The following FLYWCH1 variants were observed in gnomAD, a reference collection of about 807,000 sequenced individuals.
The protein encoded by FLYWCH1 is FLYWCH-type zinc finger-containing protein 1.
In FLYWCH1, 75 loss-of-function variants were observed where a neutral mutation model predicts 66.4. That is an observed-to-expected ratio of 1.13 (90% CI 0.94 to 1.37). The LOEUF is 1.37. Ranked by LOEUF, FLYWCH1 falls within the 40% of genes most tolerant of loss-of-function variation. FLYWCH1 has a pLI of 0.00. For synonymous variants in FLYWCH1, 595 were observed against 429.9 expected, an observed-to-expected ratio of 1.38 and a Z score of -4.75; for missense variants, 1,334 against 1,001.8, an observed-to-expected ratio of 1.33 and a Z score of -4.48.
chr16:2,930,630 G>A lies in FLYWCH1; in HGVS notation c.546G>A (p.Glu182=), dbSNP rs1329591996. 1.3e-6 allele frequency: 2 copies of A among 1,549,380 alleles called. No individual in the cohort carries two copies. Among genetic ancestry groups the A allele is most frequent in the East Asian group, 2.4e-5 (1 of 40,988 alleles). ...ACGCGCCCGATGAGCAAGGCCTGGA[G>A]GCCCGGCGCCAGAGGGAGAAACTGC... ...HCHAPDEQGL[E]ARRQREKLPS... Residue 182 remains glutamate, a synonymous_variant, in exon 4 of 10, where the codon GAG becomes GAA. Coordinates refer to ENST00000253928, the MANE Select transcript of FLYWCH1 (RefSeq NM_001308068.2).
rs371376254 is a variant in FLYWCH1, at chr16:2,937,466, G to A, written c.1777+82G>A. The A allele has an allele frequency of 1.5e-4, 216 of 1,418,762 alleles. 2 individuals are homozygous for A. In the African/African-American group the frequency reaches 3.5e-3, roughly 23 times the overall value. The allele number at this position is 1,418,762 out of a possible 1,614,324, so 87.9% of individuals were successfully genotyped here. On this transcript the variant is annotated intron_variant, in intron 7 of 9. Transcript: ENST00000253928. ...CACGCTGGCTGGAGGCTGCCCGTGG[G>A]GTGTTGTGTGTTGTGCATGGTGGTC...
intron 2 of FLYWCH1, among the ~76,000 whole-genome samples, chr16:2,923,809 G>C (rs1425126091): frequency 1.3e-5 from 2 of 151,942 alleles, no homozygotes; most frequent in African/African-American, 4.8e-5. Flanking sequence ...AGGCTGAGGC[G>C]GGTGGATCAC....
At position 2,933,702 on chromosome 16, in the gene FLYWCH1, T is replaced by C. The variant is rs2070871733; in HGVS notation, c.1250-14T>C. The C allele has an allele frequency of 6.2e-7, 1 of 1,607,976 alleles. No individual in the cohort carries two copies. The highest frequency in any genetic ancestry group is 8.5e-7 in the Non-Finnish European group (1 of 1,176,814). ...CCCTGTCCCCTCCCCTGACTGCCTC[T>C]TGAACCTCCCCAGGAGGCCCTGAGT... is the stretch of plus-strand genomic sequence containing the variant. On this transcript the variant is annotated splice_polypyrimidine_tract_variant and intron_variant, in intron 5 of 9. Coordinates refer to ENST00000253928, the MANE Select transcript of FLYWCH1 (RefSeq NM_001308068.2).
rs1323891433 is a variant in FLYWCH1, at chr16:2,911,948, C to T, written c.-394C>T. 2.6e-5 allele frequency: 4 copies of T among 151,948 alleles called. No individual in the cohort carries two copies. The highest frequency in any genetic ancestry group is 5.9e-5 in the Non-Finnish European group (4 of 67,992). 9.4% of individuals were successfully genotyped at this position (151,948 alleles called of 1,614,324 possible). On this transcript the variant is annotated 5_prime_UTR_variant, in exon 1 of 10. Transcript: ENST00000253928. ...CATGCTCTGAAGTAGCGCGCCTGAG[C>T]GTTCCGCAAGGCCGGCTCCCCGGCG... is the stretch of plus-strand genomic sequence containing the variant.
At chr16:2,912,959 G>T (rs904655327) in intron 1 of FLYWCH1, 3 of 152,212 alleles carry the variant, frequency 2.0e-5, no homozygotes, top group Non-Finnish European at 4.4e-5. Flanking sequence ...GCTTGATCTA[G>T]ATTTTCTCGT....
chr16:2,937,044 G>A, intron 6 of FLYWCH1, 77 bp from the exon 7 acceptor site: 2 of 1,444,348 alleles, frequency 1.4e-6, no homozygotes, highest in Non-Finnish European at 1.8e-6. Context: ...CGTTGTGGGA[G>A]GTCTCATCTC....
intron 2 of FLYWCH1, among the ~76,000 whole-genome samples, chr16:2,924,240 G>A (rs923810817): frequency 2.0e-5 from 3 of 151,750 alleles, no homozygotes; most frequent in Non-Finnish European, 4.4e-5. Flanking sequence ...TGAGGCAGGA[G>A]AATGGCGTGA....
intron 2 of FLYWCH1, among the ~76,000 whole-genome samples, chr16:2,920,747 G>A (rs1366874140): frequency 6.6e-6 from 1 of 151,476 alleles, no homozygotes; most frequent in Non-Finnish European, 1.5e-5. Context: ...CTCCATGTTG[G>A]TCGGGCTGGT....
At chr16:2,913,465 G>C (rs1028824575) in intron 1 of FLYWCH1, among the ~76,000 whole-genome samples, 1 of 152,090 alleles carries the variant, frequency 6.6e-6, no homozygotes, top group Non-Finnish European at 1.5e-5. Flanking sequence ...AGTTGCTTTG[G>C]AGCTGTGGCT....
Position 2,937,231 on chromosome 16 carries a change from G to T in FLYWCH1, c.1624G>T (p.Asp542Tyr), listed in dbSNP as rs1244991566. The T allele has an allele frequency of 2.5e-6, 4 of 1,603,418 alleles. No homozygotes were observed. Among genetic ancestry groups the T allele is most frequent in the Non-Finnish European group, 3.4e-6 (4 of 1,176,640 alleles). ...AGEKVYWTCRDQARMGCRSRA... is the reference protein window; with the variant it reads ...AGEKVYWTCRYQARMGCRSRA... ...GGAGAAGGTGTATTGGACCTGCCGG[G>T]ACCAGGCCCGCATGGGCTGCCGCAG... is the stretch of plus-strand genomic sequence containing the variant. The change falls in exon 7 of 10, where the codon GAC (aspartate) becomes TAC (tyrosine). Residue 542 changes from aspartate (D) to tyrosine (Y), a missense_variant. Asp to Tyr is a radical substitution (Grantham distance 160). Transcript: ENST00000253928.
intron 7 of FLYWCH1, 37 bp downstream of exon 7, chr16:2,937,421 C>A: frequency 6.7e-7 from 1 of 1,494,656 alleles, no homozygotes; most frequent in Non-Finnish European, 8.9e-7. Flanking sequence ...TCTGCCTGGT[C>A]TCCCAGGACC....
intron 2 of FLYWCH1, among the ~76,000 whole-genome samples, chr16:2,925,253 C>G (rs1224658081): frequency 6.6e-6 from 1 of 152,246 alleles, no homozygotes; most frequent in Admixed American, 6.5e-5. Flanking sequence ...AGGGGACTTT[C>G]TCCAGAGGGC....
At chr16:2,931,258 G>A (rs182991678) in intron 4 of FLYWCH1, among the ~76,000 whole-genome samples, 116 of 137,752 alleles carry the variant, frequency 8.4e-4, no homozygotes, top group African/African-American at 3.0e-3. Context: ...AGCCCAGATC[G>A]CTCCACTGTA....
chr16:2,937,348 G>A lies in FLYWCH1; in HGVS notation c.1741G>A (p.Glu581Lys). 6.3e-7 allele frequency: 1 copy of A among 1,592,698 alleles called. No individual in the cohort carries two copies. ...CGGCCTGGAGGCCCTGCGGCAGCGG[G>A]AGCACTTCCCCAACCTGGCGCAGTG... Reference protein sequence around the residue: ...LGGLEALRQREHFPNLAQWDS... With the variant: ...LGGLEALRQRKHFPNLAQWDS... Residue 581 changes from glutamate (E) to lysine (K), a missense_variant, in exon 7 of 10, where the codon GAG becomes AAG. By Grantham distance (56) the Glu-to-Lys change is moderately conservative. Transcript: ENST00000253928.
intron 9 of FLYWCH1, among the ~76,000 whole-genome samples, chr16:2,946,434 C>G (rs7193494): frequency 0.59 from 88,807 of 150,748 alleles, 26,636 homozygotes; most frequent in African/African-American, 0.7. Context: ...CGATTCTCCT[C>G]CCTCAGCCCC....
At chr16:2,912,735 TTCC>T (rs1156977496) in intron 1 of FLYWCH1, among the ~76,000 whole-genome samples, 1 of 152,156 alleles carries the variant, frequency 6.6e-6, no homozygotes, top group Non-Finnish European at 1.5e-5. Context: ...TTCCACCCCG[TTCC>T]AAAAGGCTGC....
intron 9 of FLYWCH1, among the ~76,000 whole-genome samples, chr16:2,943,978 C>T (rs1313650396): frequency 6.6e-6 from 1 of 152,046 alleles, no homozygotes; most frequent in African/African-American, 2.4e-5. Flanking sequence ...GTGGTACATG[C>T]CCAGCTACTT....
intron 2 of FLYWCH1, chr16:2,915,088 TTAAA>T (rs2070123499): frequency 6.6e-6 from 1 of 151,684 alleles, no homozygotes; most frequent in Non-Finnish European, 1.5e-5. Context: ...ATTGAATTTA[TTAAA>T]TAATATAAAT....
At chr16:2,928,372 C>G (rs113571670) in intron 2 of FLYWCH1, among the ~76,000 whole-genome samples, 11 of 152,308 alleles carry the variant, frequency 7.2e-5, no homozygotes, top group African/African-American at 2.6e-4. Context: ...CTCAGGCTGT[C>G]TCAGTGGGGG....
Sources: gnomAD v4.1 joint callset for allele counts (sites outside exome capture counted in the v4.1 genomes callset) on GRCh38, gnomAD v4.1.1 for gene constraint, MANE v1.5 for transcripts, NCBI Gene and HGNC (gene_info 2026-07-23, HGNC 2026-07-21) for gene names.